The following TMEM132D variants were observed in gnomAD, a reference collection of about 807,000 sequenced individuals.
TMEM132D encodes the protein transmembrane protein 132D, also known as mature OL transmembrane protein.
A neutral mutation model predicts 62.3 loss-of-function variants in TMEM132D; 21 were observed. The observed-to-expected ratio is 0.34, with a 90% CI of 0.24 to 0.49. TMEM132D has a LOEUF of 0.49. TMEM132D is among the 20% of genes least tolerant of loss of function. The pLI is 0.99. For missense variants in TMEM132D, 1,346 were observed against 1,402.8 expected, an observed-to-expected ratio of 0.96 and a Z score of 0.65; for synonymous variants, 621 against 575.6, an observed-to-expected ratio of 1.08 and a Z score of -1.13.
chr12:129,582,098 G>A (rs748672774), intron 2 of TMEM132D, among the ~76,000 whole-genome samples: 17 of 152,236 alleles, frequency 1.1e-4, no homozygotes, highest in South Asian at 4.1e-4. Flanking sequence ...TTTATTTCCC[G>A]TCTTGATGAA....
intron 4 of TMEM132D, among the ~76,000 whole-genome samples, chr12:129,309,736 T>C (rs1881927017): frequency 6.6e-6 from 1 of 151,960 alleles, no homozygotes; most frequent in African/African-American, 2.4e-5. Flanking sequence ...TCAATAAAGC[T>C]CTCATTGGGA....
intron 1 of TMEM132D, among the ~76,000 whole-genome samples, chr12:129,720,059 A>C (rs1440872948): frequency 6.6e-6 from 1 of 152,210 alleles, no homozygotes; most frequent in African/African-American, 2.4e-5. Context: ...AGTTGCCCTA[A>C]GCGTGGAAGG....
At chr12:129,701,340 G>A (rs1022642001) in intron 1 of TMEM132D, among the ~76,000 whole-genome samples, 3 of 152,200 alleles carry the variant, frequency 2.0e-5, no homozygotes, top group Admixed American at 2.0e-4. Flanking sequence ...TAAGGGGAGA[G>A]ATGCAGAGAA....
At chr12:129,106,651 T>C (rs995531679) in intron 5 of TMEM132D, among the ~76,000 whole-genome samples, 1 of 152,104 alleles carries the variant, frequency 6.6e-6, no homozygotes, top group Non-Finnish European at 1.5e-5. Context: ...CCTCCCACTT[T>C]CCTCCCCTTC....
At chr12:129,721,904 C>G (rs564016643) in intron 1 of TMEM132D, among the ~76,000 whole-genome samples, 1 of 152,350 alleles carries the variant, frequency 6.6e-6, no homozygotes, top group Non-Finnish European at 1.5e-5. Flanking sequence ...ATAAAGCCTA[C>G]TTCTCAGATG....
chr12:129,687,777 TC>T (rs1327435110), intron 2 of TMEM132D, among the ~76,000 whole-genome samples: 3 of 152,036 alleles, frequency 2.0e-5, no homozygotes, highest in African/African-American at 7.3e-5. Context: ...TGCATCTTCT[TC>T]CCAGCCTTTC....
chr12:129,356,559 T>G (rs1005503090), intron 3 of TMEM132D, among the ~76,000 whole-genome samples: 1 of 151,636 alleles, frequency 6.6e-6, no homozygotes, highest in South Asian at 2.1e-4. Context: ...GACTCATGCC[T>G]GTAATCCTAA....
At chr12:129,587,813 C>T (rs530105228) in intron 2 of TMEM132D, among the ~76,000 whole-genome samples, 1 of 152,298 alleles carries the variant, frequency 6.6e-6, no homozygotes, top group South Asian at 2.1e-4. Flanking sequence ...GATCAGGATG[C>T]TGGCCAGGGG....
At chr12:129,815,737 G>A (rs1872325806) in intron 1 of TMEM132D, among the ~76,000 whole-genome samples, 1 of 152,144 alleles carries the variant, frequency 6.6e-6, no homozygotes, top group Non-Finnish European at 1.5e-5. Flanking sequence ...CAAGTGATGA[G>A]ATTTCAAGTA....
At chr12:129,118,676 CT>C (rs1875967672) in intron 5 of TMEM132D, among the ~76,000 whole-genome samples, 1 of 152,180 alleles carries the variant, frequency 6.6e-6, no homozygotes, top group Non-Finnish European at 1.5e-5. Context: ...AAAAAAAGAT[CT>C]TTAGTGAAAT....
At chr12:129,705,141 T>C (rs1339835635) in intron 1 of TMEM132D, among the ~76,000 whole-genome samples, 2 of 152,216 alleles carry the variant, frequency 1.3e-5, no homozygotes, top group Non-Finnish European at 2.9e-5. Flanking sequence ...GCTGTAACCA[T>C]GTGAGATGCA....
Position 129,880,628 on chromosome 12 carries a change from C to A in TMEM132D, c.79+22633G>T, listed in dbSNP as rs560813731. Among the ~76,000 whole-genome samples, 11 of 152,182 alleles carry A rather than the reference C, an allele frequency of 7.2e-5. No homozygotes were observed. In the East Asian group the frequency reaches 2.1e-3, roughly 29 times the overall value. ...AATATGCAGTTGGCAGGTGATTACA[C>A]CACACGCGAAGTAGTAATATTGCTC... On this transcript the variant is annotated intron_variant, in intron 1 of 8. Coordinates refer to ENST00000422113, the MANE Select transcript of TMEM132D (RefSeq NM_133448.3).
chr12:129,472,255 G>A (rs1470255929), intron 3 of TMEM132D, among the ~76,000 whole-genome samples: 1 of 152,176 alleles, frequency 6.6e-6, no homozygotes, highest in African/African-American at 2.4e-5. Flanking sequence ...TGCCACTGGG[G>A]ACTTCAAGTT....
At chr12:129,263,733 G>T (rs1192280239) in intron 4 of TMEM132D, among the ~76,000 whole-genome samples, 1 of 152,040 alleles carries the variant, frequency 6.6e-6, no homozygotes, top group African/African-American at 2.4e-5. Flanking sequence ...GCTTCCAAAG[G>T]ATTAAAATAT....
At chr12:129,654,613 A>C (rs908016251) in intron 2 of TMEM132D, among the ~76,000 whole-genome samples, 1 of 152,182 alleles carries the variant, frequency 6.6e-6, no homozygotes, top group African/African-American at 2.4e-5. Flanking sequence ...GAAGCCCCCA[A>C]CAAAATTCAT....
At chr12:129,484,801 C>T (rs1874534426) in intron 3 of TMEM132D, among the ~76,000 whole-genome samples, 1 of 152,216 alleles carries the variant, frequency 6.6e-6, no homozygotes, top group Admixed American at 6.5e-5. Context: ...TTAGAAATAA[C>T]TGGCGTGTAT....
At chr12:129,808,146 G>T (rs983444360) in intron 1 of TMEM132D, among the ~76,000 whole-genome samples, 1 of 152,246 alleles carries the variant, frequency 6.6e-6, no homozygotes, top group African/African-American at 2.4e-5. Context: ...CATGATAAAA[G>T]AAATTTAAAT....
rs755402986 is a variant in TMEM132D, at chr12:129,078,537, T to G, written c.2112A>C (p.Lys704Asn). The G allele has an allele frequency of 1.9e-6, 3 of 1,613,106 alleles. No homozygotes were observed. In the African/African-American group the frequency reaches 4.0e-5, roughly 22 times the overall value. ...AVAQELLQRP[K>N]QEAAISCWVQ... ...TGTCTCAAGCCCTCCTCCATACCTG[T>G]TTTGGCCTCTGCAGAAGTTCCTGAG... Residue 704 changes from lysine (K) to asparagine (N), a missense_variant, in exon 8 of 9, where the codon AAA becomes AAC. Physicochemically the swap from Lys to Asn is moderately conservative, Grantham distance 94. Coordinates refer to ENST00000422113, the MANE Select transcript of TMEM132D (RefSeq NM_133448.3).
intron 3 of TMEM132D, among the ~76,000 whole-genome samples, chr12:129,459,564 T>C (rs199773506): frequency 6.6e-6 from 1 of 152,304 alleles, no homozygotes; most frequent in East Asian, 1.9e-4. Flanking sequence ...CCAAGAGGAA[T>C]TCTAGAGAAG....
Sources: allele counts gnomAD v4.1 joint callset (sites outside exome capture counted in the v4.1 genomes callset), GRCh38; gene constraint gnomAD v4.1.1; transcripts MANE v1.5; gene names NCBI Gene and HGNC (gene_info 2026-07-23, HGNC 2026-07-21).